The following SAMD3 variants were observed in gnomAD, a reference collection of about 807,000 sequenced individuals.
The protein encoded by SAMD3 is sterile alpha motif domain-containing protein 3.
Under a neutral mutation model 58.5 loss-of-function variants are expected in SAMD3, and 63 were observed. That is an observed-to-expected ratio of 1.08 (90% CI 0.88 to 1.33). The LOEUF is 1.33. Ranked by LOEUF, SAMD3 falls within the 40% of genes most tolerant of loss-of-function variation. The pLI is 0.00. For missense variants in SAMD3, 604 were observed against 608.4 expected, an observed-to-expected ratio of 0.99 and a Z score of 0.08; for synonymous variants, 220 against 210.3, an observed-to-expected ratio of 1.05 and a Z score of -0.40.
At chr6:130,329,557 A>C (rs1310727836) in intron 1 of SAMD3, among the ~76,000 whole-genome samples, 1 of 152,154 alleles carries the variant, frequency 6.6e-6, no homozygotes, top group Admixed American at 6.5e-5. Flanking sequence ...CAGCAATCTC[A>C]TTACCGGGTA....
At position 130,184,567 on chromosome 6, in the gene SAMD3, T is replaced by G; in HGVS notation, c.440A>C (p.Tyr147Ser). 2 of 1,614,048 alleles carry G rather than the reference T, an allele frequency of 1.2e-6. No homozygotes were observed. The highest frequency in any genetic ancestry group is 2.2e-5 in the South Asian group (2 of 91,074). ...RSKALQWTKSYVLPEFPYDVK... is the reference protein window; with the variant it reads ...RSKALQWTKSSVLPEFPYDVK... ...ATCATAGGGAAACTCTGGTAAAACATAGGACTTCGTCCACTGTAATGCTTT... is the reference window on the plus strand; with the variant it reads ...ATCATAGGGAAACTCTGGTAAAACAGAGGACTTCGTCCACTGTAATGCTTT... Residue 147 changes from tyrosine (Y) to serine (S), a missense_variant, in exon 6 of 12, where the codon TAT becomes TCT. By Grantham distance (144) the Tyr-to-Ser change is moderately radical. Coordinates refer to ENST00000439090, the MANE Select transcript of SAMD3 (RefSeq NM_001017373.4).
At chr6:130,196,659 G>A (rs1176793950) in intron 5 of SAMD3, among the ~76,000 whole-genome samples, 4 of 152,188 alleles carry the variant, frequency 2.6e-5, no homozygotes, top group Non-Finnish European at 5.9e-5. Flanking sequence ...TGTTCCATCT[G>A]CTATTCTACT....
chr6:130,299,845 A>C (rs62433897), intron 2 of SAMD3, among the ~76,000 whole-genome samples: 25,648 of 152,142 alleles, frequency 0.17, 2,426 homozygotes, highest in East Asian at 0.36. Flanking sequence ...CTGTGCACAC[A>C]CTAGAATATC....
chr6:130,324,120 C>A (rs1197193962), intron 1 of SAMD3, among the ~76,000 whole-genome samples: 1 of 152,020 alleles, frequency 6.6e-6, no homozygotes, highest in East Asian at 1.9e-4. Context: ...AATGTCTTAA[C>A]ATTTTACATA....
chr6:130,294,639 T>C (rs1467320849), intron 2 of SAMD3, among the ~76,000 whole-genome samples: 1 of 144,700 alleles, frequency 6.9e-6, no homozygotes, highest in Non-Finnish European at 1.5e-5. Flanking sequence ...TTTTTTTTTT[T>C]TGCAATATGG....
intron 2 of SAMD3, among the ~76,000 whole-genome samples, chr6:130,271,248 C>T (rs1409327537): frequency 6.6e-6 from 1 of 152,128 alleles, no homozygotes. Flanking sequence ...AATCTACCTG[C>T]CTCAGCCTCC....
intron 5 of SAMD3, among the ~76,000 whole-genome samples, chr6:130,209,261 A>G (rs1045728146): frequency 6.6e-6 from 1 of 152,220 alleles, no homozygotes; most frequent in Non-Finnish European, 1.5e-5. Context: ...TTAAAAATGT[A>G]TACTTGAAAG....
At chr6:130,227,608 T>TG (rs1310163940), upstream of SAMD3, among the ~76,000 whole-genome samples, 1 of 152,010 alleles carries the variant, frequency 6.6e-6, no homozygotes, top group African/African-American at 2.4e-5. Context: ...GCCAACATGG[T>TG]GAAACCTCGT....
At position 130,298,932 on chromosome 6, in the gene SAMD3, C is replaced by G. The variant is rs137991838; in HGVS notation, c.-188+14046G>C. 3.2e-4 allele frequency among the ~76,000 whole-genome samples: 48 copies of G among 152,258 alleles called. 1 individual carries two copies. In the East Asian group the frequency reaches 9.1e-3, roughly 29 times the overall value. ...GGTTCAATTCAACACTGCGTATGCACTGAACATCAGAGTACCCACATTTAT... is the reference window on the plus strand; with the variant it reads ...GGTTCAATTCAACACTGCGTATGCAGTGAACATCAGAGTACCCACATTTAT... On this transcript the variant is annotated intron_variant, in intron 2 of 13. Coordinates refer to the SAMD3 transcript ENST00000368134.
At chr6:130,172,422 A>G (rs538646947) in intron 8 of SAMD3, among the ~76,000 whole-genome samples, 35 of 152,246 alleles carry the variant, frequency 2.3e-4, no homozygotes, top group African/African-American at 7.9e-4. Flanking sequence ...ACCCCTCAGC[A>G]TTTGCTTGTC....
chr6:130,315,976 C>T (rs1583093915), intron 1 of SAMD3, among the ~76,000 whole-genome samples: 1 of 152,260 alleles, frequency 6.6e-6, no homozygotes, highest in Non-Finnish European at 1.5e-5. Flanking sequence ...TTTCTTCACA[C>T]TCTCAAAGAG....
chr6:130,330,337 T>C (rs1240588177), intron 1 of SAMD3, among the ~76,000 whole-genome samples: 1 of 152,240 alleles, frequency 6.6e-6, no homozygotes, highest in South Asian at 2.1e-4. Context: ...AAAATGGCTA[T>C]ATTTTGTGAT....
At chr6:130,252,731 A>G (rs1377514766) in intron 2 of SAMD3, among the ~76,000 whole-genome samples, 1 of 152,194 alleles carries the variant, frequency 6.6e-6, no homozygotes, top group African/African-American at 2.4e-5. Flanking sequence ...TGTGGCAACC[A>G]AAACAGCTGT....
At chr6:130,196,046 T>C (rs1471017734) in intron 5 of SAMD3, among the ~76,000 whole-genome samples, 1 of 152,156 alleles carries the variant, frequency 6.6e-6, no homozygotes, top group East Asian at 1.9e-4. Context: ...CCCAACCCTT[T>C]TCATTACACA....
chr6:130,317,920 T>A (rs1776440025), intron 1 of SAMD3, among the ~76,000 whole-genome samples: 1 of 152,162 alleles, frequency 6.6e-6, no homozygotes, highest in Non-Finnish European at 1.5e-5. Context: ...AAGCAGACAA[T>A]GTTGATTGAC....
intron 1 of SAMD3, among the ~76,000 whole-genome samples, chr6:130,347,521 T>A (rs575939246): frequency 5.3e-5 from 8 of 152,030 alleles, no homozygotes; most frequent in African/African-American, 1.9e-4. Flanking sequence ...AAGAGAAGAC[T>A]AGAGAAAAAA....
chr6:130,281,584 A>G (rs1050079069), intron 2 of SAMD3, among the ~76,000 whole-genome samples: 1 of 151,992 alleles, frequency 6.6e-6, no homozygotes, highest in African/African-American at 2.4e-5. Context: ...AGAGCTTTCA[A>G]TGGCCTTTAG....
At chr6:130,362,668 C>G (rs1778021244) in intron 1 of SAMD3, among the ~76,000 whole-genome samples, 1 of 152,056 alleles carries the variant, frequency 6.6e-6, no homozygotes. Flanking sequence ...TATTATCTAA[C>G]AAGGAGGTAT....
chr6:130,181,073 A>T (rs9388775), intron 7 of SAMD3, among the ~76,000 whole-genome samples: 100,790 of 150,860 alleles, frequency 0.67, 35,432 homozygotes, highest in East Asian at 0.97. Context: ...CAGCCTCCTG[A>T]GTAGCTGGGA....
Sources: gnomAD v4.1 joint callset for allele counts (sites outside exome capture counted in the v4.1 genomes callset) on GRCh38, gnomAD v4.1.1 for gene constraint, MANE v1.5 for transcripts, NCBI Gene and HGNC (gene_info 2026-07-23, HGNC 2026-07-21) for gene names.